Variants in WNK2 observed in about 807,000 individuals in gnomAD.
The protein encoded by WNK2 is serine/threonine-protein kinase WNK2.
WNK2 carries 67 observed loss-of-function variants against 192.1 expected under a neutral mutation model. That is an observed-to-expected ratio of 0.35 (90% CI 0.29 to 0.43). The LOEUF (loss-of-function observed/expected upper bound fraction) is 0.43, where lower values mean the gene tolerates loss of function less well. Among genes scored for constraint, WNK2 ranks in the 20% least tolerant of loss-of-function variants. WNK2 has a pLI of 1.00. For missense variants in WNK2, 2,698 were observed against 3,089.7 expected (o/e 0.87, Z 3.01); for synonymous variants, 1,439 against 1,393.9 (o/e 1.03, Z -0.72).
chr9:93,320,125 G>A (rs541285799), intron 29 of WNK2, among the ~76,000 whole-genome samples: 16 of 152,342 alleles, frequency 1.1e-4, no homozygotes, highest in Middle Eastern at 3.4e-3. Flanking sequence ...GGAGCAGAGC[G>A]TCTGTTTGGG....
Position 93,256,411 on chromosome 9 carries a change from C to G in WNK2, c.2147C>G (p.Pro716Arg). Residue 716 changes from proline (P) to arginine (R), a missense_variant, in exon 10 of 30, where the codon CCC becomes CGC. Physicochemically the swap from Pro to Arg is moderately radical, Grantham distance 103. Around this residue, in one of 7 missense-constraint regions of WNK2, gnomAD observed 893 missense variants for 909.0 expected, o/e 0.98. Coordinates refer to ENST00000427277, the MANE Select transcript of WNK2 (RefSeq NM_006648.4). ...CCCGTGCTGCCGCCGCCCAGCACCC[C>G]CATGCCCACGGGCCCAGGCCAGCCA... ...FAPVLPPPST[P>R]MPTGPGQPAP... The G allele has an allele frequency of 6.5e-7, 1 of 1,543,534 alleles. No individual in the cohort carries two copies. Among genetic ancestry groups the G allele is most frequent in the Non-Finnish European group, 8.7e-7 (1 of 1,150,270 alleles).
chr9:93,303,669 C>T (rs537217758), intron 26 of WNK2, among the ~76,000 whole-genome samples: 26 of 152,288 alleles, frequency 1.7e-4, no homozygotes, highest in Admixed American at 3.9e-4. Context: ...GTCAGTGCTG[C>T]GTACCACTGT....
At chr9:93,271,301 G>T (rs1845974782) in intron 19 of WNK2, among the ~76,000 whole-genome samples, 1 of 152,132 alleles carries the variant, frequency 6.6e-6, no homozygotes, top group Non-Finnish European at 1.5e-5. Context: ...TCATCATAAG[G>T]TTTAAACAAG....
chr9:93,288,671 A>G (rs1588455302), intron 19 of WNK2, 117 bp from the exon 20 acceptor site: 1 of 1,074,798 alleles, frequency 9.3e-7, no homozygotes, highest in Non-Finnish European at 1.3e-6. Flanking sequence ...GGAAACAGAG[A>G]AGACCAGCAC....
intron 29 of WNK2, 101 bp from the exon 30 acceptor site, chr9:93,320,266 C>T (rs1250984323): frequency 7.7e-7 from 1 of 1,302,976 alleles, no homozygotes; most frequent in Non-Finnish European, 1.0e-6. Context: ...CTGGCGCAGC[C>T]TTCCCGTCGG....
chr9:93,191,746 C>G (rs866796932), intron 2 of WNK2, among the ~76,000 whole-genome samples: 1 of 151,978 alleles, frequency 6.6e-6, no homozygotes, highest in Non-Finnish European at 1.5e-5. Context: ...AGGTAGGAAT[C>G]GTCCAGGCAT....
At chr9:93,269,244 A>T (rs1168035070) in intron 19 of WNK2, among the ~76,000 whole-genome samples, 10 of 151,996 alleles carry the variant, frequency 6.6e-5, no homozygotes, top group Non-Finnish European at 1.3e-4. Flanking sequence ...AGATGCCAAC[A>T]AGCCCGTGCT....
chr9:93,291,776 T>C (rs1849403775), intron 21 of WNK2, among the ~76,000 whole-genome samples: 1 of 152,210 alleles, frequency 6.6e-6, no homozygotes, highest in African/African-American at 2.4e-5. Context: ...GAGGCCCCCA[T>C]GTCAGCTTGC....
rs542365394 is a variant in WNK2, at chr9:93,231,392, C to T, written c.1075+284C>T. Among the ~76,000 whole-genome samples the T allele has an allele frequency of 1.2e-4, 19 of 152,374 alleles. No individual in the cohort carries two copies. The South Asian group carries it at 3.9e-3, about 32-fold the overall frequency. On this transcript the variant is annotated intron_variant, in intron 4 of 29. Transcript: ENST00000427277. ...GCCCCTGCCTTGTCCGACTCTGGCC[C>T]CAGATGGTCTTTGTGTTTCCCTCCG...
rs778015276 is a variant in WNK2, at chr9:93,252,940, G to A, written c.1892G>A (p.Ser631Asn). ...ACCGTGTACTCAGACTCGCAGAGCAGCCAGCAGAGCGTGATGCTTGGCTCC... is the reference window on the plus strand; with the variant it reads ...ACCGTGTACTCAGACTCGCAGAGCAACCAGCAGAGCGTGATGCTTGGCTCC... ...GSTVYSDSQS[S>N]QQSVMLGSLA... The change falls in exon 9 of 30, where the codon AGC (serine) becomes AAC (asparagine). Residue 631 changes from serine (S) to asparagine (N), a missense_variant. Around this residue, in one of 7 missense-constraint regions of WNK2, gnomAD observed 893 missense variants for 909.0 expected, o/e 0.98. Transcript: ENST00000427277. 1.9e-6 allele frequency: 3 copies of A among 1,576,898 alleles called. No homozygotes were observed. Among genetic ancestry groups the A allele is most frequent in the Admixed American group, 3.6e-5 (2 of 55,120 alleles).
At chr9:93,230,659 C>T (rs1838622241) in intron 3 of WNK2, among the ~76,000 whole-genome samples, 1 of 152,236 alleles carries the variant, frequency 6.6e-6, no homozygotes, top group Non-Finnish European at 1.5e-5. Flanking sequence ...AGGTCCTTGG[C>T]ATGAGGGGAG....
In WNK2 at chr9:93,185,218, G is replaced by A. The variant is rs1008699003; in HGVS notation, c.289G>A (p.Ala97Thr). ...CGCCCGCGGACGCCCCGCCGCCCCC[G>A]CGCCCGCAGCGCTGGTAGCGCAGCC... ...ERARGRPAAP[A>T]PAALVAQPGA... Residue 97 changes from alanine to threonine, a missense_variant, in exon 2 of 30, where the codon GCG (alanine) becomes ACG (threonine). Ala to Thr is a moderately conservative substitution (Grantham distance 58). Around this residue, in one of 7 missense-constraint regions of WNK2, gnomAD observed 260 missense variants for 285.6 expected, o/e 0.91. Coordinates refer to ENST00000427277, the MANE Select transcript of WNK2 (RefSeq NM_006648.4). 2.6e-6 allele frequency: 3 copies of A among 1,172,666 alleles called. No homozygotes were observed. The highest frequency in any genetic ancestry group is 1.0e-6 in the Non-Finnish European group (1 of 952,428). 72.6% of individuals were successfully genotyped at this position (1,172,666 alleles called of 1,614,324 possible). A position where few individuals can be genotyped will look rare whatever the true frequency, so the allele number is the denominator to read the frequency against.
At chr9:93,316,833 G>C (rs567844288) in intron 28 of WNK2, 21 of 152,970 alleles carry the variant, frequency 1.4e-4, no homozygotes, top group African/African-American at 5.1e-4. Context: ...GGGCTCAGCT[G>C]TCGGTTCCAT....
At chr9:93,238,075 C>T (rs1010845669) in intron 5 of WNK2, among the ~76,000 whole-genome samples, 158 bp from the exon 6 acceptor site, 3 of 152,178 alleles carry the variant, frequency 2.0e-5, no homozygotes, top group Non-Finnish European at 4.4e-5. Context: ...CCCTGTCATC[C>T]GTTTCACATA....
chr9:93,249,720 C>A (rs536124147), intron 8 of WNK2, among the ~76,000 whole-genome samples: 1 of 151,886 alleles, frequency 6.6e-6, no homozygotes, highest in Non-Finnish European at 1.5e-5. Context: ...GTGATCCGCC[C>A]GCCTCAGCCT....
intron 14 of WNK2, chr9:93,263,157 T>C: frequency 2.7e-6 from 1 of 371,408 alleles, no homozygotes; most frequent in South Asian, 2.9e-5. Flanking sequence ...CTGTGACCAT[T>C]TGTTCCACCC....
At chr9:93,184,887 G>T (rs527809284) in intron 1 of WNK2, 41 bp from the exon 2 acceptor site, 1 of 1,219,444 alleles carries the variant, frequency 8.2e-7, no homozygotes, top group Non-Finnish European at 1.0e-6. Flanking sequence ...AGGTGCGGCA[G>T]GGCCGGCGCT....
At position 93,288,866 on chromosome 9, in the gene WNK2, C is replaced by T. The variant is rs138300841; in HGVS notation, c.4112C>T (p.Ala1371Val). 1.4e-4 allele frequency: 231 copies of T among 1,611,564 alleles called. No homozygotes were observed. Among genetic ancestry groups the T allele is most frequent in the Non-Finnish European group, 1.8e-4 (210 of 1,179,466 alleles). ...FLASQQLLSQ[A>V]GPSNPPGAPP... ...GCCAGTCAGCAGCTCCTGAGCCAGG[C>T]GGGCCCCAGCAACCCTCCTGGGGCA... The change falls in exon 20 of 30, where the codon GCG becomes GTG. Residue 1371 changes from alanine to valine, a missense_variant. By Grantham distance (64) the Ala-to-Val change is moderately conservative (BLOSUM62 0). This residue lies in a region of WNK2 where 1,098 missense variants were observed against 1,101.0 expected (regional missense o/e 1.00). Coordinates refer to ENST00000427277, the MANE Select transcript of WNK2 (RefSeq NM_006648.4).
Position 93,253,027 on chromosome 9 carries a change from C to G in WNK2, c.1979C>G (p.Pro660Arg). 6.5e-7 allele frequency: 1 copy of G among 1,544,524 alleles called. No homozygotes were observed. The highest frequency in any genetic ancestry group is 8.7e-7 in the Non-Finnish European group (1 of 1,146,930). The change falls in exon 9 of 30, where the codon CCC (proline) becomes CGC (arginine). Residue 660 changes from proline to arginine, a missense_variant. Transcript: ENST00000427277. ...CVCSPPVSEG[P>R]VLPQSLPSLG... The stretch of plus-strand genomic sequence containing the variant: ...TGCAGCCCCCCTGTGAGCGAGGGGC[C>G]CGTCCTGCCGCAGAGCCTGCCCTCG...
Sources: gnomAD v4.1 joint callset for allele counts (sites outside exome capture counted in the v4.1 genomes callset) on GRCh38, gnomAD v4.1.1 for gene constraint, gnomAD v4.1.1 regional missense constraint, MANE v1.5 for transcripts, NCBI Gene and HGNC (gene_info 2026-07-23, HGNC 2026-07-21) for gene names.